Variants in FABP6 observed in about 807,000 individuals in gnomAD.
FABP6 encodes fatty acid binding protein 6.
Under a neutral mutation model 14.9 loss-of-function variants are expected in FABP6, and 13 were observed. The ratio of observed to expected loss-of-function variants is 0.87; its 90% CI spans 0.57 to 1.39. The LOEUF (loss-of-function observed/expected upper bound fraction) is 1.39, where lower values mean the gene tolerates loss of function less well. Among genes scored for constraint, FABP6 ranks in the 40% most tolerant of loss-of-function variants. The pLI is 0.00. For missense variants in FABP6, 161 were observed against 167.2 expected (o/e 0.96, Z 0.20); for synonymous variants, 75 against 63.6 (o/e 1.18, Z -0.85).
chr5:160,210,134 G>T (rs35909057), intron 2 of FABP6, among the ~76,000 whole-genome samples: 31,705 of 152,064 alleles, frequency 0.21, 3,437 homozygotes, highest in South Asian at 0.25. Flanking sequence ...ATGTGATCTA[G>T]GTGGAAGCAT....
chr5:160,233,787 G>A (rs146702686), intron 2 of FABP6, among the ~76,000 whole-genome samples: 2,552 of 151,918 alleles, frequency 0.017, 74 homozygotes, highest in African/African-American at 0.059. Flanking sequence ...GCAGGAGATC[G>A]CTTGAACCCT....
rs1430401851 is a variant in FABP6 at position 160,190,459 on chromosome 5, C to T, written c.-59+3005C>T. 3.3e-5 allele frequency among the ~76,000 whole-genome samples: 5 copies of T among 152,082 alleles called. No individual in the cohort carries two copies. The East Asian group carries it at 5.8e-4, about 18-fold the overall frequency. On this transcript the variant is annotated intron_variant, in intron 1 of 6. Coordinates refer to the FABP6 transcript ENST00000393980. Reference sequence around the variant, plus strand: ...GTTGGTCAGGCTGGTCTCGAACTCCCGACCTCAGGCGATCTGCCCACCTTG... The same window carrying T: ...GTTGGTCAGGCTGGTCTCGAACTCCTGACCTCAGGCGATCTGCCCACCTTG...
intron 2 of FABP6, among the ~76,000 whole-genome samples, chr5:160,202,381 C>T (rs1304552453): frequency 6.6e-6 from 1 of 152,160 alleles, no homozygotes; most frequent in Non-Finnish European, 1.5e-5. Context: ...ATACAATACC[C>T]CATGTACCCA....
At chr5:160,231,862 C>T (rs1289263553) in intron 1 of FABP6, among the ~76,000 whole-genome samples, 2 of 152,070 alleles carry the variant, frequency 1.3e-5, no homozygotes, top group Non-Finnish European at 2.9e-5. Flanking sequence ...TTGGGATGGG[C>T]CTTATTATCT....
intron 2 of FABP6, among the ~76,000 whole-genome samples, chr5:160,203,169 T>A (rs759790623): frequency 1.1e-4 from 17 of 152,154 alleles, no homozygotes; most frequent in Non-Finnish European, 2.4e-4. Flanking sequence ...CTCAAAGTGC[T>A]GGGATTACAG....
chr5:160,198,897 C>T, intron 1 of FABP6: 1 of 578,248 alleles, frequency 1.7e-6, no homozygotes. Context: ...TCCTGGAGGG[C>T]AGGGACCTCA....
chr5:160,238,626 G>A lies in FABP6; in HGVS notation c.354G>A (p.Val118=). Residue 118 remains valine, a synonymous_variant, in exon 4 of 4, where the codon GTG becomes GTA. Transcript: ENST00000402432. ...KLVEVSTIGG[V]TYERVSKRLA is the part of the protein sequence containing the mutation. ...TTCAGGTCTCCACCATCGGAGGCGT[G>A]ACCTATGAGCGCGTGAGCAAGAGAC... The A allele has an allele frequency of 1.2e-6, 2 of 1,614,056 alleles. No individual in the cohort carries two copies. Among genetic ancestry groups the A allele is most frequent in the African/African-American group, 1.3e-5 (1 of 75,054 alleles).
intron 2 of FABP6, among the ~76,000 whole-genome samples, chr5:160,200,959 C>T (rs1759625577): frequency 6.6e-6 from 1 of 152,210 alleles, no homozygotes; most frequent in African/African-American, 2.4e-5. Context: ...AGTTGTTCTA[C>T]TTCAGGGGAT....
At chr5:160,193,431 G>A (rs1304983174) in intron 1 of FABP6, among the ~76,000 whole-genome samples, 1 of 152,064 alleles carries the variant, frequency 6.6e-6, no homozygotes, top group Admixed American at 6.6e-5. Context: ...GTGTGGAAGG[G>A]GACCCGAGCG....
chr5:160,220,631 G>T (rs534882412), intron 3 of FABP6, among the ~76,000 whole-genome samples: 30 of 151,686 alleles, frequency 2.0e-4, no homozygotes, highest in African/African-American at 6.8e-4. Context: ...AATAAATAAG[G>T]CTTTGCCTTA....
At chr5:160,199,165 C>T (rs1759575986) in intron 2 of FABP6, 3 of 1,614,060 alleles carry the variant, frequency 1.9e-6, no homozygotes, top group African/African-American at 1.3e-5. Flanking sequence ...CAGGTAGCTC[C>T]GTGAAGCTGG....
intron 2 of FABP6, chr5:160,199,319 C>G: frequency 4.3e-6 from 3 of 696,888 alleles, no homozygotes; most frequent in Non-Finnish European, 7.5e-6. Flanking sequence ...TTTCAGCTGT[C>G]TCTCTGTGAC....
chr5:160,202,524 T>C (rs1156641129), intron 2 of FABP6, among the ~76,000 whole-genome samples: 5 of 152,200 alleles, frequency 3.3e-5, no homozygotes, highest in South Asian at 2.1e-4. Context: ...TGGCCGGGCG[T>C]GGTGGCTCAC....
At chr5:160,213,638 G>A (rs1293401766) in intron 2 of FABP6, 8 of 974,292 alleles carry the variant, frequency 8.2e-6, no homozygotes, top group Non-Finnish European at 1.3e-5. Flanking sequence ...TAAGAGCGCT[G>A]CTATGAGGAG....
At chr5:160,201,232 A>C (rs934585472) in intron 2 of FABP6, among the ~76,000 whole-genome samples, 4 of 151,922 alleles carry the variant, frequency 2.6e-5, no homozygotes, top group Non-Finnish European at 5.9e-5. Flanking sequence ...GAGGCATGTA[A>C]TTGTAGTCCC....
At chr5:160,229,463 G>A, upstream of FABP6, 6 of 1,593,298 alleles carry the variant, frequency 3.8e-6, no homozygotes, top group Non-Finnish European at 5.1e-6. Flanking sequence ...CTGAGCCTCA[G>A]CAACTGGGAG....
chr5:160,208,352 C>T (rs867108514), intron 2 of FABP6, among the ~76,000 whole-genome samples: 2 of 151,806 alleles, frequency 1.3e-5, no homozygotes, highest in African/African-American at 2.4e-5. Context: ...GTGGGAGGAT[C>T]GCTTGAGCCC....
chr5:160,207,112 T>A (rs1388871799), intron 2 of FABP6, among the ~76,000 whole-genome samples: 1 of 152,202 alleles, frequency 6.6e-6, no homozygotes, highest in Non-Finnish European at 1.5e-5. Context: ...GGCAAAGAAA[T>A]GCAAAATAGC....
intron 1 of FABP6, among the ~76,000 whole-genome samples, chr5:160,189,763 C>T (rs574827043): frequency 1.3e-5 from 2 of 152,024 alleles, no homozygotes; most frequent in Non-Finnish European, 2.9e-5. Context: ...TACCTCAGAG[C>T]ATAGTTGTGG....
Sources: gnomAD v4.1 joint callset for allele counts (sites outside exome capture counted in the v4.1 genomes callset) on GRCh38, gnomAD v4.1.1 for gene constraint, MANE v1.5 for transcripts, NCBI Gene and HGNC (gene_info 2026-07-23, HGNC 2026-07-21) for gene names.